UTRN: variants seen among roughly 807,000 people sequenced by gnomAD.
UTRN encodes the protein dystrophin-related protein 1.
Under a neutral mutation model 463.9 loss-of-function variants are expected in UTRN, and 283 were observed. The ratio of observed to expected loss-of-function variants is 0.61; its 90% confidence interval spans 0.55 to 0.67. The LOEUF is 0.67. UTRN is among the 30% of genes least tolerant of loss of function. The probability of loss-of-function intolerance (pLI) is 0.00; values close to 1 mark genes in which losing one functional copy is unlikely to be tolerated. For missense variants in UTRN, 3,922 were observed against 4,084.3 expected (o/e 0.96, Z 1.08); for synonymous variants, 1,442 against 1,431.5 (o/e 1.01, Z -0.17).
intron 9 of UTRN, among the ~76,000 whole-genome samples, chr6:144,433,253 T>C (rs1387785631): frequency 5.0e-5 from 6 of 120,806 alleles, no homozygotes; most frequent in African/African-American, 1.9e-4. Context: ...CACTTCCCAG[T>C]AGGGGCGGCC....
intron 58 of UTRN, among the ~76,000 whole-genome samples, chr6:144,767,873 A>G (rs997192599): frequency 6.6e-6 from 1 of 152,174 alleles, no homozygotes; most frequent in Admixed American, 6.5e-5. Flanking sequence ...TTGGAATGGA[A>G]TGATATATAA....
chr6:144,549,425 T>G (rs745952683), intron 47 of UTRN, among the ~76,000 whole-genome samples: 1 of 152,246 alleles, frequency 6.6e-6, no homozygotes, highest in Non-Finnish European at 1.5e-5. Flanking sequence ...CTAAATTTTA[T>G]TAAGTGCTTC....
chr6:144,824,610 A>ATCTC (rs1779972421), intron 66 of UTRN, among the ~76,000 whole-genome samples: 2 of 43,614 alleles, frequency 4.6e-5, no homozygotes, highest in African/African-American at 2.6e-4. Flanking sequence ...ATATATATAT[A>ATCTC]TATCTTTTTT....
intron 53 of UTRN, among the ~76,000 whole-genome samples, chr6:144,724,364 G>T (rs1175321789): frequency 6.6e-6 from 1 of 151,380 alleles, no homozygotes; most frequent in Non-Finnish European, 1.5e-5. Flanking sequence ...AAGTAGCTGG[G>T]ACTACAGGCA....
rs1803726756 is a variant in UTRN, at chr6:144,286,910, G to C, written c.-93+1089G>C. Among the ~76,000 whole-genome samples, 1 of 152,192 alleles carries C rather than the reference G, an allele frequency of 6.6e-6. No homozygotes were observed. Among genetic ancestry groups the C allele is most frequent in the Non-Finnish European group, 1.5e-5 (1 of 68,032 alleles). On this transcript the variant is annotated intron_variant, in intron 1 of 74. Transcript: ENST00000367545. This position sits in a 1 kb window ranked among gnomAD's most constrained non-coding sequence, Gnocchi z 4.4. Reference sequence around the variant, plus strand: ...GCCTTCAGGTCAGCCGGATCACCAGGGCCTTGCGGGCCAGTTCCCCCTGCC... The same window carrying C: ...GCCTTCAGGTCAGCCGGATCACCAGCGCCTTGCGGGCCAGTTCCCCCTGCC...
At chr6:144,546,815 AAAACAAAC>A (rs140082062) in intron 46 of UTRN, among the ~76,000 whole-genome samples, 299 of 151,980 alleles carry the variant, frequency 2.0e-3, no homozygotes, top group African/African-American at 6.5e-3. Flanking sequence ...TCTCAAAGAA[AAAACAAAC>A]AAACAAACAA....
chr6:144,828,642 C>T (rs550582214), intron 68 of UTRN, 148 bp from the exon 69 acceptor site: 10 of 741,698 alleles, frequency 1.3e-5, no homozygotes, highest in South Asian at 8.8e-5. Context: ...CAACATGAAA[C>T]GTTTTAGTTT....
intron 54 of UTRN, among the ~76,000 whole-genome samples, chr6:144,743,599 G>C (rs1483576469): frequency 1.3e-5 from 2 of 152,172 alleles, no homozygotes; most frequent in African/African-American, 2.4e-5. Context: ...AACTGGCCTA[G>C]GGGCAATGGG....
intron 51 of UTRN, among the ~76,000 whole-genome samples, chr6:144,620,428 C>CA (rs1462063965): frequency 2.0e-5 from 3 of 148,266 alleles, no homozygotes; most frequent in African/African-American, 7.3e-5. Context: ...TTTCTTATTT[C>CA]AAAAAATCAC....
intron 34 of UTRN, among the ~76,000 whole-genome samples, chr6:144,504,592 A>G (rs1410315651): frequency 2.0e-5 from 3 of 152,246 alleles, no homozygotes; most frequent in African/African-American, 7.2e-5. Context: ...CTAGCCTTGC[A>G]TCCCAGAGAT....
intron 50 of UTRN, among the ~76,000 whole-genome samples, chr6:144,563,827 A>C (rs995252695): frequency 3.3e-5 from 5 of 152,098 alleles, no homozygotes; most frequent in Non-Finnish European, 5.9e-5. Flanking sequence ...ACTTTTTTTA[A>C]AAAACAATTG....
intron 50 of UTRN, 91 bp downstream of exon 50, chr6:144,557,402 GCTA>G: frequency 7.6e-7 from 1 of 1,319,482 alleles, no homozygotes; most frequent in Non-Finnish European, 1.0e-6. Flanking sequence ...CAAACATGTG[GCTA>G]CTACAAGTAC....
At chr6:144,687,324 G>A (rs551946686) in intron 52 of UTRN, among the ~76,000 whole-genome samples, 8 of 151,910 alleles carry the variant, frequency 5.3e-5, no homozygotes, top group East Asian at 1.9e-4. Flanking sequence ...CTCACCTAAC[G>A]CATAAGGATT....
chr6:144,698,642 C>A (rs1432007880), intron 52 of UTRN, among the ~76,000 whole-genome samples: 2 of 152,192 alleles, frequency 1.3e-5, no homozygotes, highest in Non-Finnish European at 2.9e-5. Context: ...GGAGTTGTTT[C>A]TGACTGATCC....
At chr6:144,724,926 T>C (rs1243478340) in intron 53 of UTRN, among the ~76,000 whole-genome samples, 1 of 152,188 alleles carries the variant, frequency 6.6e-6, no homozygotes, top group African/African-American at 2.4e-5. Context: ...TGTGGACATG[T>C]TTTTCTTTTT....
At chr6:144,823,019 T>C (rs1315325617) in intron 66 of UTRN, among the ~76,000 whole-genome samples, 1 of 152,136 alleles carries the variant, frequency 6.6e-6, no homozygotes, top group Non-Finnish European at 1.5e-5. Flanking sequence ...GTCAAAATAA[T>C]CATTGGTGTC....
chr6:144,793,810 T>G (rs1776974323), intron 62 of UTRN, 24 bp from the exon 63 acceptor site: 2 of 1,609,352 alleles, frequency 1.2e-6, no homozygotes, highest in African/African-American at 2.7e-5. Context: ...CAGATGAAAG[T>G]TAACCTCTTG....
intron 51 of UTRN, among the ~76,000 whole-genome samples, chr6:144,587,227 G>A (rs1207401976): frequency 1.3e-5 from 2 of 152,114 alleles, no homozygotes; most frequent in South Asian, 2.1e-4. Context: ...TTTCAGTGTG[G>A]TGCTGATCTC....
intron 3 of UTRN, among the ~76,000 whole-genome samples, chr6:144,420,565 G>A (rs1784746023): frequency 2.0e-5 from 3 of 152,190 alleles, no homozygotes; most frequent in Admixed American, 1.3e-4. Context: ...ATTATCTGTG[G>A]GAGTTGATGC....
Sources: gnomAD v4.1 joint callset for allele counts (sites outside exome capture counted in the v4.1 genomes callset) on GRCh38, gnomAD v4.1.1 for gene constraint, Gnocchi (gnomAD v3.1) non-coding constraint, MANE v1.5 for transcripts, NCBI Gene and HGNC (gene_info 2026-07-23, HGNC 2026-07-21) for gene names.